The following USH2A variants were observed in gnomAD, a reference collection of about 807,000 sequenced individuals.
USH2A encodes the protein usherin, also known as Usher syndrome 2A (autosomal recessive, mild).
Under a neutral mutation model 538.9 loss-of-function variants are expected in USH2A, and 443 were observed. The ratio of observed to expected loss-of-function variants is 0.82; its 90% CI spans 0.76 to 0.89. The LOEUF is 0.89. Among genes scored for constraint, USH2A ranks in the 40% least tolerant of loss-of-function variants. The pLI is 0.00. For missense variants in USH2A, 6,633 were observed against 6,324.8 expected, an observed-to-expected ratio of 1.05 and a Z score of -1.65; for synonymous variants, 2,413 against 2,273.5, an observed-to-expected ratio of 1.06 and a Z score of -1.75.
chr1:216,365,785 T>C (rs1328353046), intron 3 of USH2A, among the ~76,000 whole-genome samples: 1 of 152,170 alleles, frequency 6.6e-6, no homozygotes, highest in Non-Finnish European at 1.5e-5. Flanking sequence ...ACTCTAATGC[T>C]GTAATGCAAA....
At chr1:216,077,938 G>C in intron 27 of USH2A, 151 bp downstream of exon 27, 1 of 945,706 alleles carries the variant, frequency 1.1e-6, no homozygotes, top group East Asian at 2.4e-5. Flanking sequence ...GTTTTCATTA[G>C]TTTTTAAGGT....
intron 2 of USH2A, 74 bp downstream of exon 2, chr1:216,421,778 A>G (rs2039680488): frequency 6.2e-7 from 1 of 1,608,192 alleles, no homozygotes; most frequent in Non-Finnish European, 8.5e-7. Context: ...CCGGTTTGGA[A>G]TTCAGGCTGA....
chr1:216,382,717 G>A (rs1001750413), intron 3 of USH2A, among the ~76,000 whole-genome samples: 2 of 152,088 alleles, frequency 1.3e-5, no homozygotes, highest in African/African-American at 4.8e-5. Flanking sequence ...GTTAAGCAAG[G>A]AACCACGAAA....
chr1:215,987,840 G>A (rs796727865), intron 35 of USH2A, among the ~76,000 whole-genome samples: 6 of 152,262 alleles, frequency 3.9e-5, no homozygotes, highest in African/African-American at 1.4e-4. Context: ...ATTGTGAAGT[G>A]AGAAAAGTAA....
At chr1:216,182,804 G>A (rs960091953) in intron 20 of USH2A, among the ~76,000 whole-genome samples, 8 of 152,032 alleles carry the variant, frequency 5.3e-5, no homozygotes, top group Admixed American at 1.3e-4. Flanking sequence ...ATTTACTAAT[G>A]CAGCAAAAGC....
chr1:215,729,292 A>G (rs1202952690), intron 60 of USH2A, among the ~76,000 whole-genome samples: 1 of 152,184 alleles, frequency 6.6e-6, no homozygotes. Flanking sequence ...TGTTCCCAGG[A>G]TGTTTACAAA....
chr1:216,039,735 G>T (rs183306892), intron 32 of USH2A, among the ~76,000 whole-genome samples: 1 of 151,780 alleles, frequency 6.6e-6, no homozygotes, highest in Non-Finnish European at 1.5e-5. Context: ...TATAACGCTC[G>T]GATAGAAGTG....
chr1:216,393,646 T>A (rs1299353978), intron 3 of USH2A, among the ~76,000 whole-genome samples: 2 of 152,014 alleles, frequency 1.3e-5, no homozygotes, highest in Non-Finnish European at 2.9e-5. Context: ...TTAAAAAAAA[T>A]ATTATGCAAG....
chr1:216,195,849 G>A (rs959613089), intron 19 of USH2A: 1 of 167,190 alleles, frequency 6.0e-6, no homozygotes, highest in African/African-American at 2.4e-5. Context: ...CTGGATGCTG[G>A]TAAAATGGGC....
intron 3 of USH2A, among the ~76,000 whole-genome samples, chr1:216,410,883 G>A (rs1297300529): frequency 1.3e-5 from 2 of 152,028 alleles, no homozygotes; most frequent in African/African-American, 4.8e-5. Flanking sequence ...CATGCTGTAA[G>A]TAAGTAACAC....
chr1:216,289,676 C>T (rs1322657517), intron 10 of USH2A, among the ~76,000 whole-genome samples: 1 of 152,108 alleles, frequency 6.6e-6, no homozygotes, highest in Non-Finnish European at 1.5e-5. Flanking sequence ...GGGGCCCATA[C>T]ATTTGGAAAG....
At chr1:215,684,893 A>C (rs748622709) in intron 61 of USH2A, among the ~76,000 whole-genome samples, 10 of 150,814 alleles carry the variant, frequency 6.6e-5, no homozygotes, top group Admixed American at 5.3e-4. Context: ...TCAAAAATTC[A>C]CCTTTTTGTG....
At chr1:215,694,244 C>T (rs1024062611) in intron 61 of USH2A, among the ~76,000 whole-genome samples, 4 of 152,078 alleles carry the variant, frequency 2.6e-5, no homozygotes, top group East Asian at 1.9e-4. Flanking sequence ...ACACTCTTTT[C>T]GATTTAAATT....
At chr1:216,074,106 A>C (rs1249604679) in intron 27 of USH2A, among the ~76,000 whole-genome samples, 1 of 152,234 alleles carries the variant, frequency 6.6e-6, no homozygotes, top group East Asian at 1.9e-4. Context: ...AGTTTAACAG[A>C]GAATGCGGAT....
chr1:215,993,309 T>C (rs1018347232), intron 34 of USH2A, 142 bp from the exon 35 acceptor site: 1 of 1,304,176 alleles, frequency 7.7e-7, no homozygotes, highest in Non-Finnish European at 1.1e-6. Flanking sequence ...TTCATTTCAG[T>C]GTTAAGATTT....
At chr1:215,973,097 G>A (rs905571931) in intron 35 of USH2A, among the ~76,000 whole-genome samples, 1 of 152,126 alleles carries the variant, frequency 6.6e-6, no homozygotes, top group African/African-American at 2.4e-5. Flanking sequence ...TGTACAAATA[G>A]TGTGTTACAG....
chr1:216,072,052 A>AT (rs1281246320), intron 29 of USH2A, among the ~76,000 whole-genome samples: 2 of 152,180 alleles, frequency 1.3e-5, no homozygotes, highest in Non-Finnish European at 2.9e-5. Flanking sequence ...CCTACTGTTG[A>AT]TTAAGTATAA....
intron 38 of USH2A, among the ~76,000 whole-genome samples, chr1:215,903,991 T>C (rs775413940): frequency 2.6e-5 from 4 of 152,114 alleles, no homozygotes; most frequent in Non-Finnish European, 4.4e-5. Context: ...CATAATTTAT[T>C]TGACATATAT....
intron 61 of USH2A, among the ~76,000 whole-genome samples, chr1:215,684,224 A>G (rs1658337328): frequency 6.6e-6 from 1 of 152,174 alleles, no homozygotes; most frequent in Non-Finnish European, 1.5e-5. Context: ...AATTTGAACT[A>G]TATTTTAACC....
Sources: gnomAD v4.1 joint callset for allele counts (sites outside exome capture counted in the v4.1 genomes callset) on GRCh38, gnomAD v4.1.1 for gene constraint, MANE v1.5 for transcripts, NCBI Gene and HGNC (gene_info 2026-07-23, HGNC 2026-07-21) for gene names.